GAB1: variants seen among roughly 807,000 people sequenced by gnomAD.
GAB1 encodes GRB2 associated binding protein 1, also known as GRB2-associated-binding protein 1.
GAB1 carries 19 observed loss-of-function variants against 66.5 expected under a neutral mutation model. The ratio of observed to expected loss-of-function variants is 0.29; its 90% confidence interval spans 0.20 to 0.42. The LOEUF is 0.42. GAB1 is among the 10% of genes least tolerant of loss of function. The pLI, the probability that GAB1 is intolerant of heterozygous loss-of-function variation, is 1.00. For synonymous variants in GAB1, 294 were observed against 301.4 expected, an observed-to-expected ratio of 0.98 and a Z score of 0.25; for missense variants, 732 against 858.5, an observed-to-expected ratio of 0.85 and a Z score of 1.84.
chr4:143,434,205 A>G, intron 3 of GAB1: 1 of 1,064,808 alleles, frequency 9.4e-7, no homozygotes, highest in Non-Finnish European at 1.3e-6. Context: ...CTGTGTGAGA[A>G]ATTAATCATA....
At chr4:143,376,896 T>C (rs1730443947) in intron 1 of GAB1, 1 of 152,196 alleles carries the variant, frequency 6.6e-6, no homozygotes, top group Non-Finnish European at 1.5e-5. Context: ...TTCTCATGCA[T>C]GTAAGCTGCT....
chr4:143,440,262 G>A lies in GAB1; in HGVS notation c.1465G>A (p.Val489Ile). 2 of 1,614,148 alleles carry A rather than the reference G, an allele frequency of 1.2e-6. No individual in the cohort carries two copies. Among genetic ancestry groups the A allele is most frequent in the Non-Finnish European group, 1.7e-6 (2 of 1,180,016 alleles). ...TGATTTTTCCTCATTTGGAATGCAA[G>A]TTCCTCCTCCTGCTCATATGGGCTT... Reference protein sequence around the residue: ...TFDFSSFGMQVPPPAHMGFRS... With the variant: ...TFDFSSFGMQIPPPAHMGFRS... The change falls in exon 6 of 10, where the codon GTT (valine) becomes ATT (isoleucine). Residue 489 changes from valine to isoleucine, a missense_variant. Around this residue, in one of 4 missense-constraint regions of GAB1, gnomAD observed 204 missense variants for 276.8 expected, o/e 0.74. Coordinates refer to ENST00000262994, the MANE Select transcript of GAB1 (RefSeq NM_002039.4).
intron 1 of GAB1, among the ~76,000 whole-genome samples, chr4:143,400,344 C>T (rs918012633): frequency 2.0e-5 from 3 of 152,144 alleles, no homozygotes; most frequent in Non-Finnish European, 4.4e-5. Flanking sequence ...GTGGTTATGG[C>T]TGCCTCCTAA....
intron 1 of GAB1, chr4:143,382,171 T>C (rs931273652): frequency 2.0e-5 from 3 of 152,244 alleles, no homozygotes; most frequent in Non-Finnish European, 4.4e-5. Flanking sequence ...GACAGACTAA[T>C]GCTGTTTTGT....
At chr4:143,421,698 C>CTTTTTTTTTTTTTTTT (rs70953733) in intron 2 of GAB1, among the ~76,000 whole-genome samples, 22 of 118,678 alleles carry the variant, frequency 1.9e-4, no homozygotes, top group Middle Eastern at 4.7e-3. Flanking sequence ...CTTTTCTTTT[C>CTTTTTTTTTTTTTTTT]TTTTTTTTTT....
At chr4:143,370,006 G>T (rs983236108) in intron 1 of GAB1, among the ~76,000 whole-genome samples, 3 of 152,196 alleles carry the variant, frequency 2.0e-5, no homozygotes, top group Admixed American at 1.3e-4. Context: ...CTCCCTCTTT[G>T]TCCTTGTAAG....
At chr4:143,422,214 T>C in intron 2 of GAB1, among the ~76,000 whole-genome samples, 1 of 152,196 alleles carries the variant, frequency 6.6e-6, no homozygotes, top group East Asian at 1.9e-4. Context: ...AAAATGCTTC[T>C]CTTTACAGAA....
At chr4:143,357,078 T>C (rs1729474548) in intron 1 of GAB1, among the ~76,000 whole-genome samples, 1 of 152,168 alleles carries the variant, frequency 6.6e-6, no homozygotes, top group East Asian at 1.9e-4. Context: ...GCCTGTTTTT[T>C]TGTCTTTGCA....
chr4:143,465,280 A>G (rs1025654260), intron 8 of GAB1, among the ~76,000 whole-genome samples: 1 of 152,080 alleles, frequency 6.6e-6, no homozygotes, highest in Non-Finnish European at 1.5e-5. Flanking sequence ...TTCTGCCTCA[A>G]GTTTTTTGTT....
chr4:143,461,950 A>G (rs1315960119), intron 8 of GAB1, among the ~76,000 whole-genome samples: 2 of 152,166 alleles, frequency 1.3e-5, no homozygotes, highest in Non-Finnish European at 2.9e-5. Flanking sequence ...TAAATTAATT[A>G]ACTTTAAAAT....
At chr4:143,463,515 C>G (rs1487457830) in intron 8 of GAB1, among the ~76,000 whole-genome samples, 2 of 149,632 alleles carry the variant, frequency 1.3e-5, no homozygotes, top group Non-Finnish European at 3.0e-5. Flanking sequence ...CCCAGTTACT[C>G]GGGAGGCTGA....
chr4:143,340,708 G>A (rs575565305), intron 1 of GAB1, among the ~76,000 whole-genome samples: 3 of 152,056 alleles, frequency 2.0e-5, no homozygotes, highest in South Asian at 2.1e-4. Context: ...ATGGGATTTC[G>A]CCAGGCTGGT....
intron 1 of GAB1, among the ~76,000 whole-genome samples, chr4:143,404,523 T>G (rs775382725): frequency 1.3e-5 from 2 of 152,208 alleles, no homozygotes; most frequent in Non-Finnish European, 2.9e-5. Flanking sequence ...TCTCTTAAGT[T>G]GAAGAAATAT....
At chr4:143,389,139 G>T (rs1293771067) in intron 1 of GAB1, among the ~76,000 whole-genome samples, 4 of 152,232 alleles carry the variant, frequency 2.6e-5, no homozygotes, top group South Asian at 4.1e-4. Flanking sequence ...TCCGCAGTTG[G>T]TAATCAAATG....
chr4:143,405,514 T>C (rs749270852), intron 1 of GAB1, among the ~76,000 whole-genome samples: 7 of 152,182 alleles, frequency 4.6e-5, no homozygotes, highest in Non-Finnish European at 8.8e-5. Flanking sequence ...TGTTGTATCA[T>C]CCATTATACC....
chr4:143,351,808 C>T (rs181319751), intron 1 of GAB1, among the ~76,000 whole-genome samples: 214 of 152,292 alleles, frequency 1.4e-3, no homozygotes, highest in Non-Finnish European at 1.7e-3. Flanking sequence ...CTACTAAACA[C>T]TCTATTGCAC....
intron 1 of GAB1, among the ~76,000 whole-genome samples, chr4:143,411,350 A>G (rs773170163): frequency 8.5e-5 from 13 of 152,344 alleles, no homozygotes; most frequent in Non-Finnish European, 1.3e-4. Context: ...ACTATTGCAT[A>G]TAAGAAATGG....
At chr4:143,408,332 G>A (rs1324620179) in intron 1 of GAB1, among the ~76,000 whole-genome samples, 1 of 152,026 alleles carries the variant, frequency 6.6e-6, no homozygotes, top group Non-Finnish European at 1.5e-5. Flanking sequence ...AAAAAACAAA[G>A]TATGTAAAAT....
intron 1 of GAB1, among the ~76,000 whole-genome samples, chr4:143,345,581 G>A (rs1405072114): frequency 6.6e-6 from 1 of 151,994 alleles, no homozygotes; most frequent in Non-Finnish European, 1.5e-5. Flanking sequence ...TTTGAAAACA[G>A]CTTTATACAT....
Sources: gnomAD v4.1 joint callset for allele counts (sites outside exome capture counted in the v4.1 genomes callset) on GRCh38, gnomAD v4.1.1 for gene constraint, gnomAD v4.1.1 regional missense constraint, MANE v1.5 for transcripts, NCBI Gene and HGNC (gene_info 2026-07-23, HGNC 2026-07-21) for gene names.